Variants in NLRP5 observed in about 807,000 individuals in gnomAD.
NLRP5 encodes NLR family pyrin domain containing 5, also known as NACHT, LRR and PYD domains-containing protein 5.
Under a neutral mutation model 113.1 loss-of-function variants are expected in NLRP5, and 93 were observed. The ratio of observed to expected loss-of-function variants is 0.82; its 90% CI spans 0.70 to 0.98. The LOEUF (loss-of-function observed/expected upper bound fraction) is 0.98, where lower values mean the gene tolerates loss of function less well. NLRP5 is among the 50% of genes least tolerant of loss of function. The pLI, the probability that NLRP5 is intolerant of heterozygous loss-of-function variation, is 0.00. For missense variants in NLRP5, 1,808 were observed against 1,514.3 expected, an observed-to-expected ratio of 1.19 and a Z score of -3.22; for synonymous variants, 751 against 600.7, an observed-to-expected ratio of 1.25 and a Z score of -3.66.
At chr19:56,053,266 G>A (rs57288454) in intron 12 of NLRP5, among the ~76,000 whole-genome samples, 12,007 of 149,736 alleles carry the variant, frequency 0.08, 1,002 homozygotes, top group African/African-American at 0.22. Flanking sequence ...ACAGTGGCAC[G>A]TGCCTGTAAT....
chr19:56,026,928 C>T lies in NLRP5; in HGVS notation c.695C>T (p.Thr232Ile). 1.9e-6 allele frequency: 3 copies of T among 1,551,222 alleles called. No individual in the cohort carries two copies. The highest frequency in any genetic ancestry group is 1.2e-5 in the South Asian group (1 of 84,020). The change falls in exon 7 of 15, where the codon ACA (threonine) becomes ATA (isoleucine). Residue 232 changes from threonine (T) to isoleucine (I), a missense_variant. Coordinates refer to ENST00000390649, the MANE Select transcript of NLRP5 (RefSeq NM_153447.4). ...CTGACTCCAGGACATGGAGGTGACACATGGGACTACAAGAGTCACGTGATG... is the reference window on the plus strand; with the variant it reads ...CTGACTCCAGGACATGGAGGTGACATATGGGACTACAAGAGTCACGTGATG...
chr19:56,004,768 C>A (rs1981789951), intron 2 of NLRP5, among the ~76,000 whole-genome samples: 1 of 151,982 alleles, frequency 6.6e-6, no homozygotes, highest in Non-Finnish European at 1.5e-5. Context: ...GAAAACAAAT[C>A]CCTTGACTGA....
chr19:56,031,670 A>G (rs997434829), intron 7 of NLRP5, among the ~76,000 whole-genome samples: 1 of 151,482 alleles, frequency 6.6e-6, no homozygotes, highest in Non-Finnish European at 1.5e-5. Flanking sequence ...AGCATTTTGC[A>G]GTATTTGTCC....
At chr19:56,038,985 A>G (rs1277537369) in intron 10 of NLRP5, among the ~76,000 whole-genome samples, 1 of 152,132 alleles carries the variant, frequency 6.6e-6, no homozygotes, top group Non-Finnish European at 1.5e-5. Flanking sequence ...CCACTTGCTT[A>G]CTGATAACTG....
the NLRP5 span, among the ~76,000 whole-genome samples, chr19:55,993,788 A>T: frequency 0.29 from 43,632 of 150,364 alleles, 7,136 homozygotes; most frequent in East Asian, 0.45. Context: ...GCTCACATGA[A>T]GAGCTACAGG....
At chr19:56,058,048 G>T (rs574010808) in intron 13 of NLRP5, among the ~76,000 whole-genome samples, 192 bp from the exon 14 acceptor site, 1 of 147,094 alleles carries the variant, frequency 6.8e-6, no homozygotes, top group Non-Finnish European at 1.5e-5. Context: ...AAAAAAAGGC[G>T]AATATTTGGG....
rs957933526 is a variant in NLRP5, at chr19:56,054,836, C to T, written c.3299+1028C>T. Among the ~76,000 whole-genome samples, 11 of 152,078 alleles carry T rather than the reference C, an allele frequency of 7.2e-5. No homozygotes were observed. The South Asian group carries it at 1.0e-3, about 14-fold the overall frequency. On this transcript the variant is annotated intron_variant, in intron 13 of 14. Coordinates refer to ENST00000390649, the MANE Select transcript of NLRP5 (RefSeq NM_153447.4). ...TGGAAGCTAGCAGAGGTGGCTGCAG[C>T]GCACTGTGAACTACTCTAGAATGGA...
upstream of NLRP5, among the ~76,000 whole-genome samples, chr19:55,995,122 C>A (rs1460299668): frequency 6.6e-6 from 1 of 152,102 alleles, no homozygotes; most frequent in Non-Finnish European, 1.5e-5. Context: ...GAAAACCAAA[C>A]ACCACATGTT....
At chr19:56,002,947 C>G (rs1420051448) in intron 1 of NLRP5, among the ~76,000 whole-genome samples, 2 of 151,964 alleles carry the variant, frequency 1.3e-5, no homozygotes, top group Non-Finnish European at 2.9e-5. Context: ...ATTAAAAAGT[C>G]AGGAAACAAC....
chr19:56,050,195 T>G (rs1394006681), intron 11 of NLRP5, among the ~76,000 whole-genome samples: 9 of 150,742 alleles, frequency 6.0e-5, no homozygotes, highest in Non-Finnish European at 7.4e-5. Context: ...CAGCAGAATC[T>G]CTTGTGTCCA....
At chr19:55,987,806 C>T in the NLRP5 span, 14 of 1,607,034 alleles carry the variant, frequency 8.7e-6, no homozygotes, top group Admixed American at 3.3e-5. Flanking sequence ...TCCTTTACCT[C>T]CCTCCAGCTG....
chr19:56,047,024 T>A (rs1568500556), intron 11 of NLRP5, among the ~76,000 whole-genome samples: 1 of 151,084 alleles, frequency 6.6e-6, no homozygotes, highest in Admixed American at 6.7e-5. Flanking sequence ...GTTTTCTAGT[T>A]TATGTGCATA....
chr19:56,058,144 C>A, intron 13 of NLRP5, 96 bp from the exon 14 acceptor site: 1 of 961,438 alleles, frequency 1.0e-6, no homozygotes. Flanking sequence ...GTTTTGTTTT[C>A]CCAAAGAAAA....
intron 3 of NLRP5, among the ~76,000 whole-genome samples, chr19:56,009,316 G>A (rs892853512): frequency 8.5e-6 from 1 of 118,326 alleles, no homozygotes; most frequent in Non-Finnish European, 1.6e-5. Context: ...CTCCAGCCTG[G>A]GCGACAGAAC....
intron 13 of NLRP5, among the ~76,000 whole-genome samples, chr19:56,056,728 A>G (rs1984167322): frequency 6.6e-6 from 1 of 152,234 alleles, no homozygotes; most frequent in African/African-American, 2.4e-5. Context: ...TTGTCTTTAT[A>G]AATGCTTAGA....
At chr19:56,023,578 A>C (rs758183849) in intron 6 of NLRP5, among the ~76,000 whole-genome samples, 1 of 152,148 alleles carries the variant, frequency 6.6e-6, no homozygotes, top group Non-Finnish European at 1.5e-5. Context: ...GTTAGATATT[A>C]TAAGTAGCCT....
chr19:56,033,040 G>A (rs1014435610), intron 8 of NLRP5, among the ~76,000 whole-genome samples: 2 of 152,022 alleles, frequency 1.3e-5, no homozygotes, highest in South Asian at 4.1e-4. Context: ...GAGGTCAGGA[G>A]TTCAAGACCA....
At chr19:56,005,307 ATT>A (rs1330111584) in intron 2 of NLRP5, among the ~76,000 whole-genome samples, 159 of 144,530 alleles carry the variant, frequency 1.1e-3, no homozygotes, top group African/African-American at 3.5e-3. Flanking sequence ...ACACATATAT[ATT>A]TATATATACA....
At position 56,058,444 on chromosome 19, in the gene NLRP5, A is replaced by G. The variant is rs1984239454; in HGVS notation, c.3470+34A>G. On this transcript the variant is annotated intron_variant, in intron 14 of 14. Transcript: ENST00000390649. ...CCAGCAATTGTCTTCTGAGATACAG[A>G]CCTGCTTCTGTTCCAGGCTTGTTAG... is the stretch of plus-strand genomic sequence containing the variant. 4 of 1,568,644 alleles carry G rather than the reference A, an allele frequency of 2.5e-6. No individual in the cohort carries two copies. In the East Asian group the frequency reaches 9.2e-5, roughly 36 times the overall value.
Sources: allele counts gnomAD v4.1 joint callset (sites outside exome capture counted in the v4.1 genomes callset), GRCh38; gene constraint gnomAD v4.1.1; transcripts MANE v1.5; gene names NCBI Gene and HGNC (gene_info 2026-07-23, HGNC 2026-07-21).